The following LYN variants were observed in gnomAD, a reference collection of about 807,000 sequenced individuals.
The protein encoded by LYN is LYN proto-oncogene, Src family tyrosine kinase.
In LYN, 12 loss-of-function variants were observed where a neutral mutation model predicts 65.0. The ratio of observed to expected loss-of-function variants is 0.18; its 90% CI spans 0.12 to 0.30. The LOEUF is 0.30. LYN is among the 10% of genes least tolerant of loss of function. LYN has a pLI of 1.00. For missense variants in LYN, 380 were observed against 623.2 expected, an observed-to-expected ratio of 0.61 and a Z score of 4.16; for synonymous variants, 222 against 221.2, an observed-to-expected ratio of 1.00 and a Z score of -0.03.
chr8:55,973,625 G>A (rs2719232), intron 10 of LYN, among the ~76,000 whole-genome samples: 71,522 of 152,070 alleles, frequency 0.47, 17,673 homozygotes, highest in African/African-American at 0.59. Flanking sequence ...TGAGAGGAAA[G>A]AGCAGTGAAA....
intron 1 of LYN, among the ~76,000 whole-genome samples, chr8:55,892,379 C>T (rs974301695): frequency 1.3e-5 from 2 of 152,050 alleles, no homozygotes; most frequent in African/African-American, 4.8e-5. Flanking sequence ...GAGACCACGC[C>T]GTTGGACTCC....
intron 10 of LYN, among the ~76,000 whole-genome samples, chr8:55,970,673 G>A (rs971802837): frequency 5.3e-5 from 8 of 152,026 alleles, no homozygotes; most frequent in East Asian, 1.9e-4. Flanking sequence ...TTGGGAATAC[G>A]AGATCCAAGG....
chr8:55,891,356 A>G (rs951158250), intron 1 of LYN, among the ~76,000 whole-genome samples: 7 of 151,998 alleles, frequency 4.6e-5, no homozygotes, highest in Admixed American at 3.3e-4. Context: ...CCGGCTCAAA[A>G]AAAAAAAAAA....
intron 1 of LYN, among the ~76,000 whole-genome samples, chr8:55,911,170 C>T (rs541905386): frequency 5.1e-5 from 1 of 19,758 alleles, no homozygotes; most frequent in Non-Finnish European, 1.2e-4. Flanking sequence ...CATATATATA[C>T]ACGTATATAT....
intron 1 of LYN, among the ~76,000 whole-genome samples, chr8:55,941,472 G>A (rs16922458): frequency 1.1e-4 from 16 of 152,088 alleles, no homozygotes; most frequent in East Asian, 9.7e-4. Flanking sequence ...CTGCCATCCC[G>A]CCCATTTCAA....
chr8:55,924,793 T>C (rs748074374), intron 1 of LYN, among the ~76,000 whole-genome samples: 1 of 152,196 alleles, frequency 6.6e-6, no homozygotes, highest in Non-Finnish European at 1.5e-5. Context: ...ACTGCAGATA[T>C]GTCACTTGGT....
intron 8 of LYN, among the ~76,000 whole-genome samples, chr8:55,962,499 G>A (rs1807315582): frequency 6.6e-6 from 1 of 151,740 alleles, no homozygotes; most frequent in Non-Finnish European, 1.5e-5. Context: ...TTCTGGGTGT[G>A]GCTATGGTTC....
At chr8:55,959,636 T>C (rs2130509469) in intron 8 of LYN, among the ~76,000 whole-genome samples, 1 of 152,320 alleles carries the variant, frequency 6.6e-6, no homozygotes, top group Admixed American at 6.5e-5. Flanking sequence ...ATTGTGGATT[T>C]ACATGCCATT....
chr8:55,967,264 T>A (rs1807485505), intron 9 of LYN, among the ~76,000 whole-genome samples: 1 of 151,184 alleles, frequency 6.6e-6, no homozygotes, highest in Admixed American at 6.6e-5. Context: ...ATTCTAATAC[T>A]ACAGATTTAG....
At chr8:55,904,939 A>G (rs7823622) in intron 1 of LYN, among the ~76,000 whole-genome samples, 7,466 of 152,198 alleles carry the variant, frequency 0.049, 611 homozygotes, top group African/African-American at 0.17. Context: ...ATTAGAATCA[A>G]TGGGGAGCAT....
At chr8:55,923,688 T>C (rs1418637869) in intron 1 of LYN, among the ~76,000 whole-genome samples, 1 of 152,186 alleles carries the variant, frequency 6.6e-6, no homozygotes, top group Non-Finnish European at 1.5e-5. Context: ...TACAGGCGCC[T>C]GCTGCCATAC....
chr8:55,980,696 G>C (rs1393304254), intron 10 of LYN, among the ~76,000 whole-genome samples: 1 of 152,156 alleles, frequency 6.6e-6, no homozygotes, highest in East Asian at 1.9e-4. Context: ...TGTCTCTTTG[G>C]CTACCCTCTT....
At chr8:55,890,117 C>CAAAAAAAAAAAAAAAAAAAA (rs34706733) in intron 1 of LYN, among the ~76,000 whole-genome samples, 48 of 79,060 alleles carry the variant, frequency 6.1e-4, no homozygotes, top group East Asian at 1.3e-3. Context: ...CCTCTATAGA[C>CAAAAAAAAAAAAAAAAAAAA]AAAAAAAAAA....
Position 56,010,853 on chromosome 8 carries a change from G to C in LYN, c.*743G>C, listed in dbSNP as rs1056771778. On this transcript the variant is annotated 3_prime_UTR_variant, in exon 13 of 13. Coordinates refer to ENST00000519728, the MANE Select transcript of LYN (RefSeq NM_002350.4). ...GGGCTCACCTGGACCTCCCAGGAAAGGGAGAAGAGCCTCAGAAACTGCTCT... is the reference window on the plus strand; with the variant it reads ...GGGCTCACCTGGACCTCCCAGGAAACGGAGAAGAGCCTCAGAAACTGCTCT... 1 of 229,996 alleles carries C rather than the reference G, an allele frequency of 4.3e-6. No homozygotes were observed. Among genetic ancestry groups the C allele is most frequent in the African/African-American group, 2.2e-5 (1 of 45,146 alleles). The allele number at this position is 229,996 out of a possible 1,614,324, so 14.2% of individuals were successfully genotyped here. A position where few individuals can be genotyped will look rare whatever the true frequency, so the allele number is the denominator to read the frequency against.
intron 10 of LYN, among the ~76,000 whole-genome samples, chr8:55,986,186 C>G (rs1563324722): frequency 1.3e-5 from 1 of 74,972 alleles, no homozygotes; most frequent in Non-Finnish European, 2.6e-5. Flanking sequence ...CCACCAGAAT[C>G]CCCCCCGCAA....
intron 1 of LYN, among the ~76,000 whole-genome samples, chr8:55,884,215 C>T (rs576153810): frequency 6.6e-6 from 1 of 152,278 alleles, no homozygotes; most frequent in African/African-American, 2.4e-5. Flanking sequence ...TCCTCCCTGC[C>T]TCAGCCTTCT....
intron 8 of LYN, among the ~76,000 whole-genome samples, chr8:55,966,219 T>C (rs374721362): frequency 6.6e-6 from 1 of 152,186 alleles, no homozygotes; most frequent in African/African-American, 2.4e-5. Flanking sequence ...TTTTGAATAA[T>C]TTAAACATTT....
intron 10 of LYN, among the ~76,000 whole-genome samples, chr8:55,997,497 G>A (rs1322004356): frequency 2.6e-5 from 4 of 152,242 alleles, no homozygotes; most frequent in East Asian, 3.9e-4. Context: ...GTGTCCTCAC[G>A]TGGTGGAAGG....
chr8:55,889,851 G>A (rs116014989), intron 1 of LYN, among the ~76,000 whole-genome samples: 2 of 152,108 alleles, frequency 1.3e-5, no homozygotes, highest in Non-Finnish European at 2.9e-5. Context: ...CAAGGTGCTG[G>A]CCTTGCTAGC....
Sources: gnomAD v4.1 joint callset for allele counts (sites outside exome capture counted in the v4.1 genomes callset) on GRCh38, gnomAD v4.1.1 for gene constraint, MANE v1.5 for transcripts, NCBI Gene and HGNC (gene_info 2026-07-23, HGNC 2026-07-21) for gene names.